The following TET1 variants were observed in gnomAD, a reference collection of about 807,000 sequenced individuals.
TET1 encodes tet methylcytosine dioxygenase 1, also known as methylcytosine dioxygenase TET1.
A neutral mutation model predicts 148.7 loss-of-function variants in TET1; 13 were observed. The observed-to-expected ratio is 0.09, with a 90% CI of 0.06 to 0.14. The LOEUF (loss-of-function observed/expected upper bound fraction) is 0.14. Among genes scored for constraint, TET1 ranks in the 10% least tolerant of loss-of-function variants. The probability of loss-of-function intolerance (pLI) is 1.00; values close to 1 mark genes in which losing one functional copy is unlikely to be tolerated. For missense variants in TET1, 2,182 were observed against 2,553.8 expected, an observed-to-expected ratio of 0.85 and a Z score of 3.14; for synonymous variants, 907 against 937.2, an observed-to-expected ratio of 0.97 and a Z score of 0.59.
intron 3 of TET1, among the ~76,000 whole-genome samples, chr10:68,642,031 C>T (rs1332541528): frequency 2.0e-5 from 3 of 152,142 alleles, no homozygotes; most frequent in African/African-American, 7.2e-5. Context: ...TCATGTACAA[C>T]ATGAAGTTTT....
At chr10:68,650,205 A>T (rs535256562) in intron 4 of TET1, among the ~76,000 whole-genome samples, 10 of 152,302 alleles carry the variant, frequency 6.6e-5, no homozygotes, top group African/African-American at 2.2e-4. Flanking sequence ...TAATGCACAC[A>T]CATAACTGCC....
chr10:68,577,772 C>T (rs934389649), intron 2 of TET1, among the ~76,000 whole-genome samples: 2 of 152,140 alleles, frequency 1.3e-5, no homozygotes, highest in Admixed American at 6.6e-5. Context: ...CGCATAATTG[C>T]ACTCCAGCAT....
chr10:68,653,697 C>T (rs1433250021), intron 6 of TET1, among the ~76,000 whole-genome samples: 1 of 152,088 alleles, frequency 6.6e-6, no homozygotes, highest in East Asian at 1.9e-4. Context: ...TCTTGTGTAT[C>T]CTCTAATACA....
chr10:68,576,405 T>C (rs2053731915), intron 2 of TET1, among the ~76,000 whole-genome samples: 1 of 150,864 alleles, frequency 6.6e-6, no homozygotes, highest in African/African-American at 2.4e-5. Context: ...CTCATGTCTG[T>C]AATCTCAGCA....
At chr10:68,581,376 A>G (rs912625309) in intron 2 of TET1, among the ~76,000 whole-genome samples, 1 of 152,198 alleles carries the variant, frequency 6.6e-6, no homozygotes, top group African/African-American at 2.4e-5. Context: ...TGAAAATACT[A>G]TAAATAGGGT....
chr10:68,613,827 A>T (rs2054250930), intron 3 of TET1, among the ~76,000 whole-genome samples: 1 of 151,968 alleles, frequency 6.6e-6, no homozygotes, highest in South Asian at 2.1e-4. Flanking sequence ...AATCCCAGCT[A>T]CTCAGGAGGC....
intron 2 of TET1, among the ~76,000 whole-genome samples, chr10:68,595,099 G>A (rs930573889): frequency 2.6e-5 from 4 of 151,178 alleles, no homozygotes; most frequent in Non-Finnish European, 4.4e-5. Context: ...GTTGCAGTGG[G>A]CTATGATTGG....
chr10:68,662,843 G>T (rs2055141858), intron 6 of TET1, among the ~76,000 whole-genome samples: 1 of 152,134 alleles, frequency 6.6e-6, no homozygotes, highest in African/African-American at 2.4e-5. Flanking sequence ...GCTTTTAAAT[G>T]ATGTTAAAGG....
intron 3 of TET1, among the ~76,000 whole-genome samples, chr10:68,628,557 C>A (rs2054522729): frequency 6.6e-6 from 1 of 152,128 alleles, no homozygotes; most frequent in South Asian, 2.1e-4. Flanking sequence ...TCAGTAAGTA[C>A]AATCAATGGA....
chr10:68,639,534 A>G (rs904281620), intron 3 of TET1, among the ~76,000 whole-genome samples: 1 of 150,964 alleles, frequency 6.6e-6, no homozygotes, highest in African/African-American at 2.4e-5. Context: ...AGTGGTTCAC[A>G]CTGGGCTCAC....
intron 3 of TET1, among the ~76,000 whole-genome samples, chr10:68,611,060 C>T (rs560816300): frequency 4.6e-5 from 7 of 152,006 alleles, no homozygotes; most frequent in Non-Finnish European, 2.9e-5. Flanking sequence ...TTTGGGAGGC[C>T]GAAGGTGGTG....
Position 68,573,641 on chromosome 10 carries a change from G to C in TET1, c.1303G>C (p.Val435Leu). ...VVPDLPVFLP[V>L]PPNPIATFNA... ...CCCAGACTTGCCTGTCTTCCTTCCTGTTCCTCCAAATCCAATTGCTACCTT... is the reference window on the plus strand; with the variant it reads ...CCCAGACTTGCCTGTCTTCCTTCCTCTTCCTCCAAATCCAATTGCTACCTT... Residue 435 changes from valine to leucine, a missense_variant, in exon 2 of 12, where the codon GTT becomes CTT. Val to Leu is a conservative substitution (Grantham distance 32, BLOSUM62 1). Coordinates refer to ENST00000373644, the MANE Select transcript of TET1 (RefSeq NM_030625.3). 6.2e-7 allele frequency: 1 copy of C among 1,614,080 alleles called. No individual in the cohort carries two copies. Among genetic ancestry groups the C allele is most frequent in the Non-Finnish European group, 8.5e-7 (1 of 1,180,014 alleles).
At position 68,667,117 on chromosome 10, in the gene TET1, A is replaced by T. The variant is rs774794843; in HGVS notation, c.4534A>T (p.Thr1512Ser). 2.5e-6 allele frequency: 4 copies of T among 1,614,166 alleles called. No homozygotes were observed. In the South Asian group the frequency reaches 4.4e-5, roughly 18 times the overall value. The stretch of plus-strand genomic sequence containing the variant: ...GCAGCGTACAGGCCACCACTGTCCA[A>T]CTGCTGTGATGGTGGTGCTCATCAT... ...VRQRTGHHCP[T>S]AVMVVLIMVW... The change falls in exon 7 of 12, where the codon ACT (threonine) becomes TCT (serine). Residue 1512 changes from threonine (T) to serine (S), a missense_variant. Physicochemically the swap from Thr to Ser is moderately conservative, Grantham distance 58. Around this residue, in one of 11 missense-constraint regions of TET1, gnomAD observed 169 missense variants for 263.7 expected, o/e 0.64. Coordinates refer to ENST00000373644, the MANE Select transcript of TET1 (RefSeq NM_030625.3).
chr10:68,676,258 ATATATATATATTTTT>A (rs1347641774), intron 8 of TET1, among the ~76,000 whole-genome samples: 5 of 36,034 alleles, frequency 1.4e-4, no homozygotes, highest in South Asian at 1.0e-3. Context: ...ATATATATAT[ATATATATATATTTTT>A]TTTTTTTTTT....
chr10:68,682,640 T>C (rs2055452280), intron 9 of TET1, among the ~76,000 whole-genome samples, 196 bp from the exon 10 acceptor site: 1 of 152,236 alleles, frequency 6.6e-6, no homozygotes, highest in Non-Finnish European at 1.5e-5. Flanking sequence ...GTGATTTTCC[T>C]TTTACTCCAT....
chr10:68,624,887 A>T (rs1216080637), intron 3 of TET1, among the ~76,000 whole-genome samples: 1 of 150,646 alleles, frequency 6.6e-6, no homozygotes, highest in East Asian at 2.0e-4. Flanking sequence ...GTCCGCCATC[A>T]CGCCCAGCTA....
rs746023944 is a variant in TET1, at chr10:68,686,351, A to G, written c.5053-5A>G. 2.5e-6 allele frequency: 4 copies of G among 1,583,280 alleles called. No individual in the cohort carries two copies. Among genetic ancestry groups the G allele is most frequent in the Non-Finnish European group, 3.4e-6 (4 of 1,163,072 alleles). ...TTTCCCATTTCATGTTTTTCTCCCT[A>G]TCAGGTTTGTACCTTAACTCGAGAA... On this transcript the variant is annotated splice_region_variant and splice_polypyrimidine_tract_variant and intron_variant, in intron 10 of 11. Coordinates refer to ENST00000373644, the MANE Select transcript of TET1 (RefSeq NM_030625.3).
At chr10:68,593,579 A>G (rs1033370891) in intron 2 of TET1, among the ~76,000 whole-genome samples, 1 of 152,078 alleles carries the variant, frequency 6.6e-6, no homozygotes, top group Non-Finnish European at 1.5e-5. Context: ...CTGGGACTAC[A>G]GGCATGCGCC....
At chr10:68,565,909 C>T (rs913347772) in intron 1 of TET1, among the ~76,000 whole-genome samples, 1 of 152,128 alleles carries the variant, frequency 6.6e-6, no homozygotes, top group Non-Finnish European at 1.5e-5. Flanking sequence ...GGTCATTGGC[C>T]TCTTTCATGA....
Sources: gnomAD v4.1 joint callset for allele counts (sites outside exome capture counted in the v4.1 genomes callset) on GRCh38, gnomAD v4.1.1 for gene constraint, gnomAD v4.1.1 regional missense constraint, MANE v1.5 for transcripts, NCBI Gene and HGNC (gene_info 2026-07-23, HGNC 2026-07-21) for gene names.